The following ABCA2 variants were observed in gnomAD, a reference collection of about 807,000 sequenced individuals.
The protein encoded by ABCA2 is ATP-binding cassette sub-family A member 2.
In ABCA2, 84 loss-of-function variants were observed where a neutral mutation model predicts 262.8. That is an observed-to-expected ratio of 0.32 (90% CI 0.27 to 0.38). The LOEUF is 0.38. ABCA2 is among the 10% of genes least tolerant of loss of function. The pLI, the probability that ABCA2 is intolerant of heterozygous loss-of-function variation, is 1.00. For synonymous variants in ABCA2, 1,696 were observed against 1,502.9 expected (o/e 1.13, Z -2.97); for missense variants, 2,662 against 3,405.9 (o/e 0.78, Z 5.44).
rs201692416 is a variant in ABCA2, at chr9:137,012,272, C to A, written c.5292G>T (p.Ala1764=). 6 of 1,609,544 alleles carry A rather than the reference C, an allele frequency of 3.7e-6. No homozygotes were observed. The highest frequency in any genetic ancestry group is 5.1e-6 in the Non-Finnish European group (6 of 1,178,386). ...CTGCCTATGTCAGCTCACCGTAAGCCGCCGGGTTGCCCTTGCTCTTGGGCA... is the reference window on the plus strand; with the variant it reads ...CTGCCTATGTCAGCTCACCGTAAGCAGCCGGGTTGCCCTTGCTCTTGGGCA... ...ANLPKSKGNP[A]AYGITVTNHP... is the part of the protein sequence containing the mutation. Residue 1764 remains alanine, a synonymous_variant, in exon 33 of 49, where the codon GCG becomes GCT. Coordinates refer to ENST00000341511, the MANE Select transcript of ABCA2 (RefSeq NM_001606.5).
chr9:137,015,209 C>T lies in ABCA2; in HGVS notation c.3698-112G>A. Reference sequence around the variant, plus strand: ...GGCATTGGAGAGGAAGAACCAGGCCCCAGCAGGTATCCTGGGCCCAGGGGG... The same window carrying T: ...GGCATTGGAGAGGAAGAACCAGGCCTCAGCAGGTATCCTGGGCCCAGGGGG... On this transcript the variant is annotated intron_variant, in intron 24 of 48. Transcript: ENST00000341511. 5 of 1,312,664 alleles carry T rather than the reference C, an allele frequency of 3.8e-6. No individual in the cohort carries two copies. The South Asian group carries it at 7.3e-5, about 19-fold the overall frequency. 81.3% of individuals were successfully genotyped at this position (1,312,664 alleles called of 1,614,324 possible).
intron 40 of ABCA2, 80 bp downstream of exon 40, chr9:137,010,540 T>G (rs756838922): frequency 7.1e-7 from 1 of 1,414,130 alleles, no homozygotes; most frequent in Non-Finnish European, 9.7e-7. Flanking sequence ...CCACCCAGGC[T>G]CCACCTCCAC....
chr9:137,015,262 A>T (rs1213896156), intron 24 of ABCA2, 152 bp downstream of exon 24: 2 of 1,192,382 alleles, frequency 1.7e-6, no homozygotes, highest in Non-Finnish European at 2.3e-6. Context: ...CCTCTCCAAG[A>T]TACGGGCGTT....
intron 43 of ABCA2, 61 bp downstream of exon 43, chr9:137,009,708 T>G: frequency 1.2e-6 from 2 of 1,610,550 alleles, no homozygotes; most frequent in Non-Finnish European, 1.7e-6. Context: ...ACGCTGCCCC[T>G]GCCCGTGCTC....
At position 137,010,063 on chromosome 9, in the gene ABCA2, G is replaced by T. The variant is rs1033396189; in HGVS notation, c.6415C>A (p.Leu2139Met). ...SLGYCPQCDA[L>M]FDELTAREHL... ...TCCCGGGCCGTGAGCTCGTCGAACA[G>T]CGCGTCACACTGCGGGCAGTAGCCG... Residue 2139 changes from leucine to methionine, a missense_variant, in exon 42 of 49, where the codon CTG (leucine) becomes ATG (methionine). Around this residue, in one of 12 missense-constraint regions of ABCA2, gnomAD observed 602 missense variants for 897.4 expected, o/e 0.67. Coordinates refer to ENST00000341511, the MANE Select transcript of ABCA2 (RefSeq NM_001606.5). The T allele has an allele frequency of 6.2e-7, 1 of 1,601,410 alleles. No individual in the cohort carries two copies. The highest frequency in any genetic ancestry group is 8.5e-7 in the Non-Finnish European group (1 of 1,177,412).
chr9:137,014,381 C>T lies in ABCA2; in HGVS notation c.4027G>A (p.Val1343Met). The stretch of plus-strand genomic sequence containing the variant: ...GCCGGGCCCTCCGCCCCAGGGAGCA[C>T]ATCCTTCCTGGACTCCTTCACATCT... ...EADVKESRKD[V>M]LPGAEGPASG... The change falls in exon 27 of 49, where the codon GTG (valine) becomes ATG (methionine). Residue 1343 changes from valine to methionine, a missense_variant. Val to Met is a conservative substitution (Grantham distance 21, BLOSUM62 1). This residue lies in a region of ABCA2 where 297 missense variants were observed against 286.5 expected (regional missense o/e 1.04). Coordinates refer to ENST00000341511, the MANE Select transcript of ABCA2 (RefSeq NM_001606.5). 1 of 1,594,512 alleles carries T rather than the reference C, an allele frequency of 6.3e-7. No individual in the cohort carries two copies. The highest frequency in any genetic ancestry group is 1.1e-5 in the South Asian group (1 of 88,264).
rs1831459248 is a variant in ABCA2 at position 137,021,687 on chromosome 9, G to T, written c.679-77C>A. ...CCACTAGGGCCTCAGGCCTCACCCT[G>T]CCCCACCCACTGGCTGGCTCTGGGG... On this transcript the variant is annotated intron_variant, in intron 7 of 48. Coordinates refer to ENST00000341511, the MANE Select transcript of ABCA2 (RefSeq NM_001606.5). The surrounding 1 kb of genome is among the most constrained non-coding windows in gnomAD (Gnocchi z 6.0). 1 of 1,452,110 alleles carries T rather than the reference G, an allele frequency of 6.9e-7. No individual in the cohort carries two copies. The highest frequency in any genetic ancestry group is 9.3e-7 in the Non-Finnish European group (1 of 1,074,290). The allele number at this position is 1,452,110 out of a possible 1,614,324, so 90.0% of individuals were successfully genotyped here.
intron 12 of ABCA2, 27 bp from the exon 13 acceptor site, chr9:137,018,842 C>T (rs540856091): frequency 1.4e-5 from 23 of 1,612,496 alleles, no homozygotes; most frequent in South Asian, 8.8e-5. Context: ...CGCTGGAGCC[C>T]GCCGTGGGCA....
At chr9:137,024,004 C>T in intron 2 of ABCA2, 139 bp downstream of exon 2, 3 of 1,523,998 alleles carry the variant, frequency 2.0e-6, no homozygotes, top group Middle Eastern at 1.8e-4. Flanking sequence ...AGGCACGGCC[C>T]AGGACCACAC....
Position 137,009,957 on chromosome 9 carries a change from C to A in ABCA2, c.6495+26G>T, listed in dbSNP as rs370948367. 4.2e-4 allele frequency: 669 copies of A among 1,594,604 alleles called. 1 individual carries two copies. The highest frequency in any genetic ancestry group is 5.2e-4 in the Non-Finnish European group (613 of 1,169,152). On this transcript the variant is annotated intron_variant, in intron 42 of 48. Transcript: ENST00000341511. ...GGCAGGGCCACCCAGCGTGCTGACT[C>A]CCTGCCCCGCCCCACAGATCCTCAC...
intron 9 of ABCA2, 97 bp downstream of exon 9, chr9:137,020,597 G>A: frequency 6.4e-7 from 1 of 1,552,870 alleles, no homozygotes; most frequent in East Asian, 2.3e-5. Flanking sequence ...ACAGGGCAGG[G>A]CGCCAAATGA....
At chr9:137,009,332 GCC>G in intron 45 of ABCA2, 36 bp downstream of exon 45, 9 of 980,402 alleles carry the variant, frequency 9.2e-6, no homozygotes, top group Non-Finnish European at 1.4e-5. Flanking sequence ...CCCCCCCCGG[GCC>G]CGCCCCAGCC....
Position 137,010,960 on chromosome 9 carries a change from GC to G in ABCA2, c.6056+12del. On this transcript the variant is annotated intron_variant, in intron 39 of 48. Transcript: ENST00000341511. The stretch of plus-strand genomic sequence containing the variant: ...TCCCGCCCCGCCCCCGCCCCACCCC[GC>G]CCCCCACTCACTGTGGCCGCCGCAG... 2.9e-6 allele frequency: 1 copy of G among 345,730 alleles called. No individual in the cohort carries two copies. The highest frequency in any genetic ancestry group is 4.5e-6 in the Non-Finnish European group (1 of 222,548). The allele number at this position is 345,730 out of a possible 1,614,324, so 21.4% of individuals were successfully genotyped here. A position where few individuals can be genotyped will look rare whatever the true frequency, so the allele number is the denominator to read the frequency against.
chr9:137,028,711 G>A, upstream of ABCA2: 1 of 1,249,572 alleles, frequency 8.0e-7, no homozygotes, highest in Non-Finnish European at 1.0e-6. This position sits in a 1 kb window ranked among gnomAD's most constrained non-coding sequence, Gnocchi z 6.9. Flanking sequence ...TCCAGGTGGT[G>A]CCCACCTGGA....
Position 137,019,414 on chromosome 9 carries a change from C to A in ABCA2, c.1426-108G>T. 1.5e-6 allele frequency: 2 copies of A among 1,296,126 alleles called. No homozygotes were observed. The highest frequency in any genetic ancestry group is 1.5e-5 in the South Asian group (1 of 66,560). 80.3% of individuals were successfully genotyped at this position (1,296,126 alleles called of 1,614,324 possible). A position where few individuals can be genotyped will look rare whatever the true frequency, so the allele number is the denominator to read the frequency against. On this transcript the variant is annotated intron_variant, in intron 10 of 48. Coordinates refer to ENST00000341511, the MANE Select transcript of ABCA2 (RefSeq NM_001606.5). The surrounding 1 kb of genome is among the most constrained non-coding windows in gnomAD (Gnocchi z 4.4). ...TGGCTGGTCCATTGCCAACAACTAACCCTCCCCACCTTTTTTTTTTTTTTT... is the reference window on the plus strand; with the variant it reads ...TGGCTGGTCCATTGCCAACAACTAAACCTCCCCACCTTTTTTTTTTTTTTT...
rs746552446 is a variant in ABCA2 at position 137,015,031 on chromosome 9, G to A, written c.3764C>T (p.Ser1255Phe). The A allele has an allele frequency of 1.2e-6, 2 of 1,607,848 alleles. No homozygotes were observed. The highest frequency in any genetic ancestry group is 1.1e-5 in the South Asian group (1 of 90,456). ...PLSSCSELQVSQFIRKHVASC... is the reference protein window; with the variant it reads ...PLSSCSELQVFQFIRKHVASC... The stretch of plus-strand genomic sequence containing the variant: ...GGCCACATGCTTGCGGATGAACTGG[G>A]ACACCTGGAGCTCGGAGCAGCTGCT... Residue 1255 changes from serine to phenylalanine, a missense_variant, in exon 25 of 49, where the codon TCC becomes TTC. Physicochemically the swap from Ser to Phe is radical, Grantham distance 155. Around this residue, in one of 12 missense-constraint regions of ABCA2, gnomAD observed 297 missense variants for 286.5 expected, o/e 1.04. Coordinates refer to ENST00000341511, the MANE Select transcript of ABCA2 (RefSeq NM_001606.5).
chr9:137,021,663 C>T lies in ABCA2; in HGVS notation c.679-53G>A. ...CCACGGCAAGGACTTTGTCCCCAAC[C>T]ACTAGGGCCTCAGGCCTCACCCTGC... On this transcript the variant is annotated intron_variant, in intron 7 of 48. Transcript: ENST00000341511. This position sits in a 1 kb window ranked among gnomAD's most constrained non-coding sequence, Gnocchi z 6.0. 6.6e-7 allele frequency: 1 copy of T among 1,517,318 alleles called. No homozygotes were observed. Among genetic ancestry groups the T allele is most frequent in the Non-Finnish European group, 8.9e-7 (1 of 1,127,354 alleles). 94.0% of individuals were successfully genotyped at this position (1,517,318 alleles called of 1,614,324 possible).
intron 10 of ABCA2, 86 bp downstream of exon 10, chr9:137,020,250 C>T (rs1158347667): frequency 2.7e-5 from 42 of 1,573,650 alleles, no homozygotes; most frequent in South Asian, 2.6e-4. Context: ...TCAATTCTGC[C>T]GACACCCTCT....
chr9:137,010,058 G>A lies in ABCA2; in HGVS notation c.6420C>T (p.Phe2140=), dbSNP rs748279912. The change falls in exon 42 of 49, where the codon TTC becomes TTT. Residue 2140 remains phenylalanine, a synonymous_variant. Transcript: ENST00000341511. ...LGYCPQCDAL[F]DELTAREHLQ... ...GGTGCTCCCGGGCCGTGAGCTCGTCGAACAGCGCGTCACACTGCGGGCAGT... is the reference window on the plus strand; with the variant it reads ...GGTGCTCCCGGGCCGTGAGCTCGTCAAACAGCGCGTCACACTGCGGGCAGT... 1.2e-5 allele frequency: 20 copies of A among 1,601,168 alleles called. No homozygotes were observed. The highest frequency in any genetic ancestry group is 4.5e-5 in the East Asian group (2 of 44,422).
Sources: allele counts gnomAD v4.1 joint callset, GRCh38; gene constraint gnomAD v4.1.1; regional missense constraint gnomAD v4.1.1; non-coding constraint Gnocchi (gnomAD v3.1); transcripts MANE v1.5; gene names NCBI Gene and HGNC (gene_info 2026-07-23, HGNC 2026-07-21).